The following UNC5D variants were observed in gnomAD, a reference collection of about 807,000 sequenced individuals.
UNC5D encodes unc-5 netrin receptor D, also known as netrin receptor UNC5D.
A neutral mutation model predicts 105.4 loss-of-function variants in UNC5D; 39 were observed. That is an observed-to-expected ratio of 0.37 (90% confidence interval 0.29 to 0.48). The LOEUF is 0.48. Among genes scored for constraint, UNC5D ranks in the 20% least tolerant of loss-of-function variants. The pLI is 0.98. For missense variants in UNC5D, 991 were observed against 1,202.4 expected (o/e 0.82, Z 2.60); for synonymous variants, 452 against 450.4 (o/e 1.00, Z -0.04).
At chr8:35,365,474 A>G (rs1382550010) in intron 1 of UNC5D, among the ~76,000 whole-genome samples, 1 of 151,558 alleles carries the variant, frequency 6.6e-6, no homozygotes, top group Non-Finnish European at 1.5e-5. Flanking sequence ...TTAAGAAAAG[A>G]TTCCAACTGG....
At chr8:35,619,372 C>G (rs1486458775) in intron 4 of UNC5D, among the ~76,000 whole-genome samples, 1 of 152,066 alleles carries the variant, frequency 6.6e-6, no homozygotes, top group East Asian at 1.9e-4. Context: ...CATGGTTGCC[C>G]AGGAAGTTCA....
intron 4 of UNC5D, among the ~76,000 whole-genome samples, chr8:35,655,894 G>T (rs1380524930): frequency 6.6e-6 from 1 of 152,190 alleles, no homozygotes; most frequent in Non-Finnish European, 1.5e-5. Context: ...AATTTAAGCA[G>T]TGCAAAGCTG....
intron 3 of UNC5D, among the ~76,000 whole-genome samples, chr8:35,587,850 T>G (rs947638829): frequency 2.0e-5 from 3 of 151,184 alleles, no homozygotes; most frequent in Non-Finnish European, 4.4e-5. Flanking sequence ...ATTACAGAAA[T>G]TTTGGAAAAT....
At chr8:35,548,624 A>C (rs1244542222) in intron 1 of UNC5D, among the ~76,000 whole-genome samples, 1 of 151,610 alleles carries the variant, frequency 6.6e-6, no homozygotes, top group Non-Finnish European at 1.5e-5. Context: ...ACTACTGGCT[A>C]TAAGCTCAGA....
intron 4 of UNC5D, among the ~76,000 whole-genome samples, chr8:35,672,898 G>GACA (rs1284135038): frequency 6.6e-6 from 1 of 152,130 alleles, no homozygotes; most frequent in Non-Finnish European, 1.5e-5. Flanking sequence ...GAAAGTAAAG[G>GACA]ACAACACTAT....
intron 4 of UNC5D, among the ~76,000 whole-genome samples, chr8:35,596,510 G>T (rs73674037): frequency 6.6e-6 from 1 of 152,126 alleles, no homozygotes; most frequent in Admixed American, 6.5e-5. Flanking sequence ...AGTTTATTTT[G>T]CCAAGGTTGA....
At chr8:35,390,312 A>G (rs566206609) in intron 1 of UNC5D, among the ~76,000 whole-genome samples, 1 of 152,326 alleles carries the variant, frequency 6.6e-6, no homozygotes, top group Admixed American at 6.5e-5. Context: ...TGGATGGGGT[A>G]AATATCCAAA....
chr8:35,404,656 C>T (rs1050937967), intron 1 of UNC5D, among the ~76,000 whole-genome samples: 13 of 151,996 alleles, frequency 8.6e-5, no homozygotes, highest in African/African-American at 2.4e-4. Context: ...GGTGCAATCT[C>T]GACTCACTGC....
At chr8:35,556,173 C>A (rs764338375) in intron 2 of UNC5D, among the ~76,000 whole-genome samples, 1 of 152,120 alleles carries the variant, frequency 6.6e-6, no homozygotes, top group Non-Finnish European at 1.5e-5. Flanking sequence ...TCAAGACTAT[C>A]CCTCAAAATG....
In UNC5D at chr8:35,284,640, C is replaced by T. The variant is rs112971180; in HGVS notation, c.103+48753C>T. On this transcript the variant is annotated intron_variant, in intron 1 of 16. Coordinates refer to ENST00000404895, the MANE Select transcript of UNC5D (RefSeq NM_080872.4). ...CACGACCTCAGCTCACTATAAGCTC[C>T]GCCTCCCAGGTTCACGCCATTCTCC... Among the ~76,000 whole-genome samples, 1,112 of 152,200 alleles carry T rather than the reference C, an allele frequency of 7.3e-3. 18 individuals carry two copies. Among genetic ancestry groups the T allele is most frequent in the African/African-American group, 0.025 (1,043 of 41,508 alleles).
intron 1 of UNC5D, among the ~76,000 whole-genome samples, chr8:35,394,019 C>T (rs931645148): frequency 6.6e-6 from 1 of 151,950 alleles, no homozygotes; most frequent in East Asian, 1.9e-4. Flanking sequence ...CTCTCTCTCA[C>T]TCGTTTTGGT....
chr8:35,337,789 C>G (rs1480778484), intron 1 of UNC5D, among the ~76,000 whole-genome samples: 3 of 150,686 alleles, frequency 2.0e-5, no homozygotes, highest in African/African-American at 7.3e-5. Context: ...CCAAGGAAGT[C>G]AATTGTTGGT....
intron 1 of UNC5D, among the ~76,000 whole-genome samples, chr8:35,546,547 A>T (rs1034631931): frequency 6.6e-6 from 1 of 152,168 alleles, no homozygotes; most frequent in Non-Finnish European, 1.5e-5. Flanking sequence ...TTGGGTATGT[A>T]TTGTTTATCA....
At chr8:35,697,519 A>G (rs1826873728) in intron 7 of UNC5D, among the ~76,000 whole-genome samples, 1 of 152,102 alleles carries the variant, frequency 6.6e-6, no homozygotes, top group African/African-American at 2.4e-5. Flanking sequence ...GGACTGACTT[A>G]TCAAATCCAG....
At chr8:35,713,331 C>T (rs1828069632) in intron 8 of UNC5D, among the ~76,000 whole-genome samples, 1 of 152,158 alleles carries the variant, frequency 6.6e-6, no homozygotes, top group Non-Finnish European at 1.5e-5. Context: ...GAGTTTATAT[C>T]TTCAGTTTTC....
chr8:35,561,236 C>A lies in UNC5D; in HGVS notation c.323-6862C>A, dbSNP rs556235174. On this transcript the variant is annotated intron_variant, in intron 2 of 16. Coordinates refer to ENST00000404895, the MANE Select transcript of UNC5D (RefSeq NM_080872.4). The stretch of plus-strand genomic sequence containing the variant: ...GATCACTGTTCCCCTGCCCTAACCC[C>A]AGGACTAGGTACCAGACAACTCGGG... 4.6e-5 allele frequency among the ~76,000 whole-genome samples: 7 copies of A among 152,284 alleles called. No individual in the cohort carries two copies. In the East Asian group the frequency reaches 1.4e-3, roughly 29 times the overall value.
At chr8:35,724,503 A>G (rs7007054) in intron 9 of UNC5D, among the ~76,000 whole-genome samples, 10,464 of 152,216 alleles carry the variant, frequency 0.069, 1,016 homozygotes, top group African/African-American at 0.21. Flanking sequence ...TGGGGTGACC[A>G]GCGGTGGGTG....
chr8:35,767,196 T>A, intron 15 of UNC5D, 130 bp downstream of exon 15: 2 of 1,128,670 alleles, frequency 1.8e-6, no homozygotes, highest in Non-Finnish European at 2.4e-6. Flanking sequence ...TCATCTTCAT[T>A]ACTGATGAGG....
At chr8:35,267,684 G>A (rs2128829712) in intron 1 of UNC5D, among the ~76,000 whole-genome samples, 1 of 152,206 alleles carries the variant, frequency 6.6e-6, no homozygotes, top group South Asian at 2.1e-4. Context: ...TAATCTGCCT[G>A]CCTTGGCCTC....
Sources: gnomAD v4.1 joint callset for allele counts (sites outside exome capture counted in the v4.1 genomes callset) on GRCh38, gnomAD v4.1.1 for gene constraint, MANE v1.5 for transcripts, NCBI Gene and HGNC (gene_info 2026-07-23, HGNC 2026-07-21) for gene names.